DAB2IP: variants seen among roughly 807,000 people sequenced by gnomAD.
The protein encoded by DAB2IP is DAB2 interacting protein.
In DAB2IP, 28 loss-of-function variants were observed where a neutral mutation model predicts 107.2. That is an observed-to-expected ratio of 0.26 (90% confidence interval 0.19 to 0.36). The LOEUF (loss-of-function observed/expected upper bound fraction) is 0.36. DAB2IP is among the 10% of genes least tolerant of loss of function. The pLI is 1.00. For missense variants in DAB2IP, 1,400 were observed against 1,644.7 expected, an observed-to-expected ratio of 0.85 and a Z score of 2.57; for synonymous variants, 755 against 706.4, an observed-to-expected ratio of 1.07 and a Z score of -1.09.
At chr9:121,731,277 GTTTAACC>G (rs2118852098) in intron 3 of DAB2IP, among the ~76,000 whole-genome samples, 2 of 152,306 alleles carry the variant, frequency 1.3e-5, no homozygotes, top group African/African-American at 4.8e-5. Flanking sequence ...TGGACTGGTT[GTTTAACC>G]CGGTGCACCT....
rs766016834 is a variant in DAB2IP at position 121,760,331 on chromosome 9, C to T, written c.1062C>T (p.Asn354=). Residue 354 remains asparagine, a synonymous_variant, in exon 6 of 16, where the codon AAC becomes AAT. Transcript: ENST00000408936. The surrounding 1 kb of genome is among the most constrained non-coding windows in gnomAD (Gnocchi z 5.9). Reference sequence around the variant, plus strand: ...AAGAGTTCGCTGAGCACATCACCAACCACTACCTGGGGCTGTGTGCAGCCC... The same window carrying T: ...AAGAGTTCGCTGAGCACATCACCAATCACTACCTGGGGCTGTGTGCAGCCC... 6 of 1,613,516 alleles carry T rather than the reference C, an allele frequency of 3.7e-6. No homozygotes were observed. Among genetic ancestry groups the T allele is most frequent in the Middle Eastern group, 1.6e-4 (1 of 6,062 alleles).
chr9:121,704,926 G>A (rs908477216), intron 3 of DAB2IP, among the ~76,000 whole-genome samples: 1 of 152,232 alleles, frequency 6.6e-6, no homozygotes, highest in African/African-American at 2.4e-5. Context: ...CCTCTCAACT[G>A]CAGCATTGTA....
At chr9:121,627,486 G>A (rs757596924) in intron 1 of DAB2IP, among the ~76,000 whole-genome samples, 25 of 152,080 alleles carry the variant, frequency 1.6e-4, no homozygotes, top group Non-Finnish European at 3.2e-4. Context: ...TGTAGAAGGA[G>A]AATCTATGAA....
intron 2 of DAB2IP, among the ~76,000 whole-genome samples, chr9:121,697,749 G>C (rs1318045549): frequency 6.6e-6 from 1 of 152,168 alleles, no homozygotes; most frequent in African/African-American, 2.4e-5. Context: ...ATTTCAGCTG[G>C]GCCTTGAAGG....
chr9:121,668,917 T>A (rs1189575255), intron 1 of DAB2IP, among the ~76,000 whole-genome samples: 1 of 129,902 alleles, frequency 7.7e-6, no homozygotes, highest in East Asian at 2.0e-4. Context: ...CTTTTTTTTT[T>A]TTTTTTTTTT....
chr9:121,676,207 A>G (rs539801672), intron 1 of DAB2IP, among the ~76,000 whole-genome samples: 18 of 152,304 alleles, frequency 1.2e-4, no homozygotes, highest in African/African-American at 4.1e-4. Flanking sequence ...GCTCAGGATG[A>G]AGCCTGTGCT....
intron 1 of DAB2IP, among the ~76,000 whole-genome samples, chr9:121,590,300 C>G (rs988113847): frequency 2.0e-5 from 3 of 150,838 alleles, no homozygotes; most frequent in African/African-American, 4.9e-5. Flanking sequence ...CACTCCTCCC[C>G]TGTCATTCAT....
rs1202776430 is a variant in DAB2IP at position 121,776,200 on chromosome 9, C to G, written c.3123C>G (p.Asp1041Glu). 1 of 1,571,832 alleles carries G rather than the reference C, an allele frequency of 6.4e-7. No homozygotes were observed. The highest frequency in any genetic ancestry group is 2.3e-5 in the East Asian group (1 of 42,902). The change falls in exon 14 of 16, where the codon GAC becomes GAG. Residue 1041 changes from aspartate (D) to glutamate (E), a missense_variant and splice_region_variant. Asp to Glu is a conservative substitution (Grantham distance 45). Around this residue, in one of 3 missense-constraint regions of DAB2IP, gnomAD observed 600 missense variants for 659.1 expected, o/e 0.91. Coordinates refer to ENST00000408936, the Ensembl canonical transcript of DAB2IP. The surrounding 1 kb of genome is among the most constrained non-coding windows in gnomAD (Gnocchi z 5.4). ...CGTGGACGCTGCCCTCCTGGTAGGA[C>G]CTGGCGGTGCTGCAGGACAAGCTGC... is the stretch of plus-strand genomic sequence containing the variant.
At chr9:121,721,670 A>G (rs1830943393) in intron 3 of DAB2IP, among the ~76,000 whole-genome samples, 1 of 152,248 alleles carries the variant, frequency 6.6e-6, no homozygotes, top group African/African-American at 2.4e-5. Flanking sequence ...AAATGTTGGC[A>G]TTTGATTCAA....
At chr9:121,708,405 A>T (rs1830164621) in intron 3 of DAB2IP, among the ~76,000 whole-genome samples, 1 of 152,224 alleles carries the variant, frequency 6.6e-6, no homozygotes, top group African/African-American at 2.4e-5. Context: ...CTCCTCAGAG[A>T]AGTAGCAGTA....
intron 1 of DAB2IP, among the ~76,000 whole-genome samples, chr9:121,583,669 C>G (rs1830253071): frequency 6.6e-6 from 1 of 152,108 alleles, no homozygotes; most frequent in Non-Finnish European, 1.5e-5. Context: ...TGGGGGGTCC[C>G]AGGTGGGCAT....
intron 1 of DAB2IP, among the ~76,000 whole-genome samples, chr9:121,621,813 A>ACT (rs1554850304): frequency 7.0e-6 from 1 of 143,100 alleles, no homozygotes; most frequent in Non-Finnish European, 1.5e-5. Context: ...CACCTGGCTA[A>ACT]TTTTTTTTTT....
At chr9:121,598,416 G>A (rs1430710381) in intron 1 of DAB2IP, 1 of 152,294 alleles carries the variant, frequency 6.6e-6, no homozygotes, top group Non-Finnish European at 1.5e-5. Context: ...CCCCGGGCCT[G>A]GCCCGGGACC....
intron 13 of DAB2IP, among the ~76,000 whole-genome samples, chr9:121,775,782 T>C (rs981161697): frequency 6.6e-6 from 1 of 152,212 alleles, no homozygotes; most frequent in Non-Finnish European, 1.5e-5. Context: ...TCATGTGACA[T>C]GGTCACCTTG....
At chr9:121,735,861 A>G (rs1831860627) in intron 3 of DAB2IP, among the ~76,000 whole-genome samples, 1 of 152,166 alleles carries the variant, frequency 6.6e-6, no homozygotes, top group Admixed American at 6.5e-5. Context: ...AAATGACCCA[A>G]GGATGAATCT....
chr9:121,770,645 C>T (rs757279749), exon 11 of DAB2IP: 11 of 1,614,162 alleles, frequency 6.8e-6, no homozygotes, highest in Non-Finnish European at 9.3e-6. Context: ...GACCAATGAC[C>T]TGGCCTCCAC....
Position 121,610,969 on chromosome 9 carries a change from A to ATTTG in DAB2IP, c.40+43761_40+43764dup, listed in dbSNP as rs550971230. ...TCCTTTTGAGTGGAGTGACCATAAG[A>ATTTG]TTTGTTTGTTTGTTTGTTTGTTTTT... On this transcript the variant is annotated intron_variant, in intron 1 of 16. Transcript: ENST00000259371. Among the ~76,000 whole-genome samples the ATTTG allele has an allele frequency of 1.8e-3, 266 of 151,688 alleles. 2 individuals carry two copies. The highest frequency in any genetic ancestry group is 5.7e-3 in the African/African-American group (236 of 41,322).
chr9:121,721,923 C>T (rs985429732), intron 3 of DAB2IP, among the ~76,000 whole-genome samples: 9 of 152,262 alleles, frequency 5.9e-5, no homozygotes, highest in Admixed American at 2.0e-4. Context: ...GATGGGGCCC[C>T]GCCCAGTCAT....
chr9:121,771,607 G>C (rs183551421), intron 11 of DAB2IP, among the ~76,000 whole-genome samples: 2 of 152,298 alleles, frequency 1.3e-5, no homozygotes, highest in Admixed American at 6.5e-5. Context: ...TTTGGAGTGG[G>C]GGGTGCAGTA....
Sources: allele counts gnomAD v4.1 joint callset (sites outside exome capture counted in the v4.1 genomes callset), GRCh38; gene constraint gnomAD v4.1.1; regional missense constraint gnomAD v4.1.1; non-coding constraint Gnocchi (gnomAD v3.1); transcripts MANE v1.5; gene names NCBI Gene and HGNC (gene_info 2026-07-23, HGNC 2026-07-21).